The following PXDNL variants were observed in gnomAD, a reference collection of about 807,000 sequenced individuals.
PXDNL encodes the protein probable oxidoreductase PXDNL.
In PXDNL, 145 loss-of-function variants were observed where a neutral mutation model predicts 150.8. That is an observed-to-expected ratio of 0.96 (90% confidence interval 0.84 to 1.10). The LOEUF (loss-of-function observed/expected upper bound fraction) is 1.10, where lower values mean the gene tolerates loss of function less well. Ranked by LOEUF, PXDNL falls within the 50% of genes least tolerant of loss-of-function variation. PXDNL has a pLI of 0.00. For synonymous variants in PXDNL, 757 were observed against 725.7 expected (o/e 1.04, Z -0.69); for missense variants, 2,087 against 1,873.9 (o/e 1.11, Z -2.10).
chr8:51,410,484 C>T (rs531726237), intron 16 of PXDNL, among the ~76,000 whole-genome samples: 5 of 152,274 alleles, frequency 3.3e-5, no homozygotes, highest in African/African-American at 1.2e-4. Context: ...TGACCAGGGA[C>T]AGTCAAATGC....
At chr8:51,432,158 G>A (rs1023234514) in intron 12 of PXDNL, among the ~76,000 whole-genome samples, 4 of 152,148 alleles carry the variant, frequency 2.6e-5, no homozygotes, top group African/African-American at 9.7e-5. Context: ...TTGGTGTGTA[G>A]GGTGATGTAA....
intron 2 of PXDNL, among the ~76,000 whole-genome samples, chr8:51,650,555 C>A (rs1002502972): frequency 6.6e-6 from 1 of 152,134 alleles, no homozygotes; most frequent in Non-Finnish European, 1.5e-5. Flanking sequence ...AATAAGCTAG[C>A]ACTGTATTCA....
At position 51,660,011 on chromosome 8, in the gene PXDNL, C is replaced by A. The variant is rs565636185; in HGVS notation, c.165-5251G>T. ...TTCAAGCGATTCTCCTGCCTTAGCC[C>A]CCTGAGTAGCTGGGATTGCAGGCGC... On this transcript the variant is annotated intron_variant, in intron 1 of 22. Coordinates refer to ENST00000356297, the MANE Select transcript of PXDNL (RefSeq NM_144651.5). 1.9e-3 allele frequency among the ~76,000 whole-genome samples: 293 copies of A among 151,786 alleles called. 1 individual carries two copies. Among genetic ancestry groups the A allele is most frequent in the African/African-American group, 6.6e-3 (274 of 41,382 alleles).
At chr8:51,780,644 C>CTTTTT (rs369178382) in intron 1 of PXDNL, among the ~76,000 whole-genome samples, 1 of 115,212 alleles carries the variant, frequency 8.7e-6, no homozygotes. Flanking sequence ...TTTTCTTTTT[C>CTTTTT]TTTTCTTTTC....
At chr8:51,413,369 T>C in intron 14 of PXDNL, 111 bp from the exon 15 acceptor site, 2 of 640,046 alleles carry the variant, frequency 3.1e-6, no homozygotes, top group Non-Finnish European at 5.5e-6. Flanking sequence ...ATTTAAAACC[T>C]CTAAGACAAT....
chr8:51,761,547 A>G (rs2037166592), intron 1 of PXDNL, among the ~76,000 whole-genome samples: 1 of 152,242 alleles, frequency 6.6e-6, no homozygotes, highest in Non-Finnish European at 1.5e-5. Flanking sequence ...AACATGTATA[A>G]TATGCATATA....
At chr8:51,499,635 G>T (rs2130286755) in intron 5 of PXDNL, 64 bp downstream of exon 5, 1 of 1,277,458 alleles carries the variant, frequency 7.8e-7, no homozygotes, top group Non-Finnish European at 1.1e-6. Flanking sequence ...ACGGCAGTCA[G>T]ATGGGTTGTA....
chr8:51,676,550 T>G (rs1403732491), intron 1 of PXDNL, among the ~76,000 whole-genome samples: 1 of 152,180 alleles, frequency 6.6e-6, no homozygotes, highest in African/African-American at 2.4e-5. Flanking sequence ...ATACTGGGAT[T>G]ACAGGCGTGA....
At chr8:51,748,327 T>C (rs1009854685) in intron 1 of PXDNL, among the ~76,000 whole-genome samples, 1 of 152,218 alleles carries the variant, frequency 6.6e-6, no homozygotes, top group Non-Finnish European at 1.5e-5. Flanking sequence ...TTTCTTTTAG[T>C]GCGTTTTTCA....
chr8:51,633,482 G>C (rs1814534761), intron 2 of PXDNL, among the ~76,000 whole-genome samples: 1 of 152,120 alleles, frequency 6.6e-6, no homozygotes, highest in Non-Finnish European at 1.5e-5. Context: ...TTTCCACAGA[G>C]ACTGAACTAA....
Position 51,457,573 on chromosome 8 carries a change from A to G in PXDNL, c.907T>C (p.Tyr303His). Residue 303 changes from tyrosine (Y) to histidine (H), a missense_variant, in exon 9 of 23, where the codon TAT becomes CAT. By Grantham distance (83) the Tyr-to-His change is moderately conservative. Coordinates refer to ENST00000356297, the MANE Select transcript of PXDNL (RefSeq NM_144651.5). ...RNTRESDQGV[Y>H]QCMARNSAGE... is the part of the protein sequence containing the mutation. ...GCGGAATTTCTGGCCATGCACTGATAGACACCTTGGTCTGACTCTCTGGTG... is the reference window on the plus strand; with the variant it reads ...GCGGAATTTCTGGCCATGCACTGATGGACACCTTGGTCTGACTCTCTGGTG... 1 of 1,613,934 alleles carries G rather than the reference A, an allele frequency of 6.2e-7. No homozygotes were observed. Among genetic ancestry groups the G allele is most frequent in the South Asian group, 1.1e-5 (1 of 91,074 alleles).
At chr8:51,638,089 T>C (rs1342659453) in intron 2 of PXDNL, among the ~76,000 whole-genome samples, 3 of 152,184 alleles carry the variant, frequency 2.0e-5, no homozygotes, top group Middle Eastern at 3.2e-3. Flanking sequence ...GAATTTCATA[T>C]CCAGCCAAAC....
chr8:51,751,402 G>T (rs2037044311), intron 1 of PXDNL, among the ~76,000 whole-genome samples: 1 of 151,854 alleles, frequency 6.6e-6, no homozygotes, highest in South Asian at 2.1e-4. Flanking sequence ...CTTTTATTTT[G>T]TTCTAAAATT....
chr8:51,705,016 G>A lies in PXDNL; in HGVS notation c.165-50256C>T, dbSNP rs111927825. On this transcript the variant is annotated intron_variant, in intron 1 of 22. Transcript: ENST00000356297. ...TGTGAATTCATGCCCCAACACTGTG[G>A]GCTGGCTTATGGTTAGGATTTCTCA... Among the ~76,000 whole-genome samples the A allele has an allele frequency of 1.2e-4, 18 of 152,222 alleles. No homozygotes were observed. In the East Asian group the frequency reaches 3.3e-3, roughly 28 times the overall value.
intron 1 of PXDNL, among the ~76,000 whole-genome samples, chr8:51,763,321 A>T (rs1410623767): frequency 1.4e-5 from 1 of 70,564 alleles, no homozygotes; most frequent in African/African-American, 7.1e-5. Flanking sequence ...TTAAAGTATT[A>T]AAAAAAAAAA....
intron 8 of PXDNL, among the ~76,000 whole-genome samples, chr8:51,462,969 C>T (rs1810117274): frequency 6.6e-6 from 1 of 152,094 alleles, no homozygotes; most frequent in South Asian, 2.1e-4. Flanking sequence ...AGATTTTGGA[C>T]CTTTTCTCAA....
At chr8:51,610,993 C>T (rs1278886028) in intron 2 of PXDNL, among the ~76,000 whole-genome samples, 1 of 152,160 alleles carries the variant, frequency 6.6e-6, no homozygotes, top group Non-Finnish European at 1.5e-5. Context: ...AACACTGAGT[C>T]TAAGCAACAT....
chr8:51,714,510 G>A (rs775149080), intron 1 of PXDNL, among the ~76,000 whole-genome samples: 2 of 151,998 alleles, frequency 1.3e-5, no homozygotes, highest in Non-Finnish European at 2.9e-5. Flanking sequence ...AAAAGATTTT[G>A]GGGTTATAAT....
chr8:51,352,513 G>A (rs1466480149), intron 19 of PXDNL, among the ~76,000 whole-genome samples: 2 of 152,104 alleles, frequency 1.3e-5, no homozygotes, highest in Non-Finnish European at 2.9e-5. Flanking sequence ...CTGTTCTCAT[G>A]ATAGTGAGGG....
Sources: allele counts gnomAD v4.1 joint callset (sites outside exome capture counted in the v4.1 genomes callset), GRCh38; gene constraint gnomAD v4.1.1; transcripts MANE v1.5; gene names NCBI Gene and HGNC (gene_info 2026-07-23, HGNC 2026-07-21).